TBP: variants seen among roughly 807,000 people sequenced by gnomAD.
TBP encodes the protein TATA-box-binding protein.
Under a neutral mutation model 46.2 loss-of-function variants are expected in TBP, and 12 were observed. The observed-to-expected ratio is 0.26, with a 90% confidence interval of 0.17 to 0.42. TBP has a LOEUF of 0.42. Ranked by LOEUF, TBP falls within the 10% of genes least tolerant of loss-of-function variation. The pLI is 1.00. For missense variants in TBP, 229 were observed against 403.1 expected (o/e 0.57, Z 3.70); for synonymous variants, 157 against 148.3 (o/e 1.06, Z -0.42).
rs775626005 is a variant in TBP at position 170,561,966 on chromosome 6, AGCAG to A, written c.231_234del (p.Gln77HisfsTer66). 44,232 of 1,221,360 alleles carry A rather than the reference AGCAG, an allele frequency of 0.036. 1,920 individuals carry two copies. The highest frequency in any genetic ancestry group is 0.25 in the African/African-American group (13,744 of 55,454). 75.7% of individuals were successfully genotyped at this position (1,221,360 alleles called of 1,614,324 possible). A position where few individuals can be genotyped will look rare whatever the true frequency, so the allele number is the denominator to read the frequency against. ...CAGCAGCAGCAACAGCAACAGCAGCAGCAGCAGCAGCAGCAGCAGCAGCAGCAGC... is the reference window on the plus strand; with the variant it reads ...CAGCAGCAGCAACAGCAACAGCAGCACAGCAGCAGCAGCAGCAGCAGCAGC... On this transcript the variant is annotated frameshift_variant, in exon 3 of 8. Coordinates refer to ENST00000392092, the MANE Select transcript of TBP (RefSeq NM_003194.5). LOFTEE classifies it high-confidence loss of function.
chr6:170,558,697 A>G (rs1474075817), intron 2 of TBP, among the ~76,000 whole-genome samples: 2 of 122,202 alleles, frequency 1.6e-5, no homozygotes, highest in East Asian at 2.4e-4. Flanking sequence ...TTTTTTTTGT[A>G]TTTTTTTTTT....
intron 1 of TBP, among the ~76,000 whole-genome samples, chr6:170,556,505 A>C (rs1490327325): frequency 1.3e-5 from 2 of 152,184 alleles, no homozygotes; most frequent in African/African-American, 4.8e-5. Flanking sequence ...TAAAGATCTA[A>C]ACTTTGCCTA....
Position 170,556,879 on chromosome 6 carries a change from C to A in TBP, c.-148-3C>A. On this transcript the variant is annotated splice_polypyrimidine_tract_variant and splice_region_variant and intron_variant, in intron 1 of 7. Transcript: ENST00000392092. The stretch of plus-strand genomic sequence containing the variant: ...TTAAACTTTAGACTTTTTTCCAAAG[C>A]AGCATCACTGTTTCTTGGCGTGTGA... 2.7e-6 allele frequency: 2 copies of A among 736,070 alleles called. No individual in the cohort carries two copies. Among genetic ancestry groups the A allele is most frequent in the Non-Finnish European group, 4.7e-6 (2 of 428,520 alleles). The allele number at this position is 736,070 out of a possible 1,614,324, so 45.6% of individuals were successfully genotyped here.
chr6:170,562,919 G>T (rs182994771), intron 3 of TBP, among the ~76,000 whole-genome samples: 112 of 152,216 alleles, frequency 7.4e-4, no homozygotes, highest in African/African-American at 2.6e-3. Context: ...TTCTTGTACA[G>T]ATACCTTCCT....
At position 170,562,133 on chromosome 6, in the gene TBP, C is replaced by T; in HGVS notation, c.397C>T (p.Pro133Ser). 1 of 1,614,160 alleles carries T rather than the reference C, an allele frequency of 6.2e-7. No homozygotes were observed. Among genetic ancestry groups the T allele is most frequent in the Non-Finnish European group, 8.5e-7 (1 of 1,180,042 alleles). ...HSQTLTTAPL[P>S]GTTPLYPSPM... ...ACAGACTCTCACAACTGCACCCTTGCCGGGCACCACTCCACTGTATCCCTC... is the reference window on the plus strand; with the variant it reads ...ACAGACTCTCACAACTGCACCCTTGTCGGGCACCACTCCACTGTATCCCTC... Residue 133 changes from proline (P) to serine (S), a missense_variant, in exon 3 of 8, where the codon CCG (proline) becomes TCG (serine). This residue lies in a region of TBP where 69 missense variants were observed against 66.2 expected (regional missense o/e 1.04). Coordinates refer to ENST00000392092, the MANE Select transcript of TBP (RefSeq NM_003194.5).
Position 170,572,297 on chromosome 6 carries a change from C to T in TBP, c.*32C>T. On this transcript the variant is annotated 3_prime_UTR_variant, in exon 8 of 8. Coordinates refer to ENST00000392092, the MANE Select transcript of TBP (RefSeq NM_003194.5). ...TCATGTACCCTTGCCTCCCCCACCC[C>T]CTTCTTTTTTTTTTTTTAAACAAAT... is the stretch of plus-strand genomic sequence containing the variant. 6.5e-7 allele frequency: 1 copy of T among 1,528,542 alleles called. No individual in the cohort carries two copies. The highest frequency in any genetic ancestry group is 8.9e-7 in the Non-Finnish European group (1 of 1,119,370). 94.7% of individuals were successfully genotyped at this position (1,528,542 alleles called of 1,614,324 possible).
At chr6:170,559,300 G>A (rs1416914195) in intron 2 of TBP, among the ~76,000 whole-genome samples, 1 of 152,222 alleles carries the variant, frequency 6.6e-6, no homozygotes, top group African/African-American at 2.4e-5. Flanking sequence ...AAGAAGGCAT[G>A]TTGAAAGCTG....
chr6:170,557,158 G>T, intron 2 of TBP, 75 bp downstream of exon 2: 1 of 1,372,976 alleles, frequency 7.3e-7, no homozygotes, highest in East Asian at 2.3e-5. Context: ...AGGCAAGGAA[G>T]GGCATTTAAT....
At position 170,572,758 on chromosome 6, in the gene TBP, T is replaced by C. The variant is rs975005188; in HGVS notation, c.*493T>C. The C allele has an allele frequency of 1.9e-5, 3 of 158,460 alleles. No homozygotes were observed. Among genetic ancestry groups the C allele is most frequent in the Admixed American group, 6.3e-5 (1 of 15,772 alleles). 9.8% of individuals were successfully genotyped at this position (158,460 alleles called of 1,614,324 possible). A position where few individuals can be genotyped will look rare whatever the true frequency, so the allele number is the denominator to read the frequency against. ...CCAGACACATTCCACCTCTCCAGTATTGCAGGACAGAATATATGTGTTAAT... is the reference window on the plus strand; with the variant it reads ...CCAGACACATTCCACCTCTCCAGTACTGCAGGACAGAATATATGTGTTAAT... On this transcript the variant is annotated 3_prime_UTR_variant, in exon 8 of 8. Coordinates refer to ENST00000392092, the MANE Select transcript of TBP (RefSeq NM_003194.5).
At chr6:170,567,066 C>A in intron 5 of TBP, 57 bp downstream of exon 5, 1 of 1,460,598 alleles carries the variant, frequency 6.8e-7, no homozygotes, top group Non-Finnish European at 9.4e-7. Context: ...AAGGTGATAT[C>A]TCATTGTTTT....
intron 1 of TBP, chr6:170,554,767 A>G (rs140787251): frequency 6.6e-6 from 1 of 152,332 alleles, no homozygotes; most frequent in East Asian, 1.9e-4. Context: ...CGAAGACCCT[A>G]AGTTTACCCT....
chr6:170,564,748 C>T, intron 4 of TBP, 116 bp downstream of exon 4: 1 of 567,052 alleles, frequency 1.8e-6, no homozygotes, highest in South Asian at 2.4e-5. Flanking sequence ...AGGCCAGGCA[C>T]AGTGGCTAAT....
intron 3 of TBP, 126 bp from the exon 4 acceptor site, chr6:170,564,419 A>G: frequency 1.7e-6 from 1 of 572,444 alleles, no homozygotes; most frequent in Non-Finnish European, 3.0e-6. Context: ...TAAACAATAA[A>G]TGTGAGCAAT....
rs112163523 is a variant in TBP, at chr6:170,557,103, A to T, written c.54+20A>T. 1 of 1,609,370 alleles carries T rather than the reference A, an allele frequency of 6.2e-7. No homozygotes were observed. Among genetic ancestry groups the T allele is most frequent in the Admixed American group, 1.7e-5 (1 of 59,866 alleles). On this transcript the variant is annotated intron_variant, in intron 2 of 7. Transcript: ENST00000392092. ...CCTCAGGTAATATAGCAGGAGGGAG[A>T]GAATAGGGAGGGCGGAAATCTGAAC...
At chr6:170,571,564 C>G in intron 7 of TBP, 60 bp downstream of exon 7, 4 of 1,320,146 alleles carry the variant, frequency 3.0e-6, no homozygotes, top group Non-Finnish European at 4.3e-6. Flanking sequence ...ATGGCATTTT[C>G]TCAGTGCTGA....
In TBP at chr6:170,562,184, A is replaced by G; in HGVS notation, c.448A>G (p.Thr150Ala). Residue 150 changes from threonine (T) to alanine (A), a missense_variant, in exon 3 of 8, where the codon ACT (threonine) becomes GCT (alanine). Physicochemically the swap from Thr to Ala is moderately conservative, Grantham distance 58. Around this residue, in one of 4 missense-constraint regions of TBP, gnomAD observed 67 missense variants for 188.2 expected, o/e 0.36. Transcript: ENST00000392092. ...PSPMTPMTPI[T>A]PATPASESSG... ...CCCCATGACTCCCATGACCCCCATCACTCCTGCCACGCCAGCTTCGGAGAG... is the reference window on the plus strand; with the variant it reads ...CCCCATGACTCCCATGACCCCCATCGCTCCTGCCACGCCAGCTTCGGAGAG... The G allele has an allele frequency of 1.9e-6, 3 of 1,612,570 alleles. No homozygotes were observed. The highest frequency in any genetic ancestry group is 2.5e-6 in the Non-Finnish European group (3 of 1,179,600).
chr6:170,569,389 C>T (rs1045721931), intron 5 of TBP, among the ~76,000 whole-genome samples: 11 of 152,074 alleles, frequency 7.2e-5, no homozygotes, highest in East Asian at 1.9e-4. Context: ...AATAATTTGG[C>T]GGATTGAAAG....
intron 4 of TBP, among the ~76,000 whole-genome samples, 179 bp from the exon 5 acceptor site, chr6:170,566,739 G>T (rs1159286368): frequency 2.0e-5 from 3 of 152,188 alleles, no homozygotes; most frequent in Non-Finnish European, 4.4e-5. Flanking sequence ...AGGAATATTT[G>T]TTACATGTGG....
chr6:170,567,196 T>C, intron 5 of TBP, 187 bp downstream of exon 5: 1 of 216,920 alleles, frequency 4.6e-6, no homozygotes, highest in Non-Finnish European at 8.5e-6. Context: ...TAATGTTAGA[T>C]AGCAGTGATT....
Sources: gnomAD v4.1 joint callset for allele counts (sites outside exome capture counted in the v4.1 genomes callset) on GRCh38, gnomAD v4.1.1 for gene constraint, gnomAD v4.1.1 regional missense constraint, MANE v1.5 for transcripts, NCBI Gene and HGNC (gene_info 2026-07-23, HGNC 2026-07-21) for gene names.